Variants in TMEM178B observed in about 807,000 individuals in gnomAD.
TMEM178B encodes transmembrane protein 178B.
TMEM178B carries 5 observed loss-of-function variants against 31.0 expected under a neutral mutation model. That is an observed-to-expected ratio of 0.16 (90% CI 0.08 to 0.34). TMEM178B has a LOEUF of 0.34. Among genes scored for constraint, TMEM178B ranks in the 10% least tolerant of loss-of-function variants. The probability of loss-of-function intolerance (pLI) is 1.00; values close to 1 mark genes in which losing one functional copy is unlikely to be tolerated. For synonymous variants in TMEM178B, 164 were observed against 164.0 expected (o/e 1.00, Z 0.00); for missense variants, 275 against 400.3 (o/e 0.69, Z 2.67).
intron 2 of TMEM178B, among the ~76,000 whole-genome samples, chr7:141,333,492 A>G (rs1448829081): frequency 1.3e-5 from 2 of 152,248 alleles, no homozygotes; most frequent in Non-Finnish European, 2.9e-5. Context: ...GCCATGCAGA[A>G]TATGATTGCC....
In TMEM178B at chr7:141,470,930, T is replaced by C. The variant is rs776746041; in HGVS notation, c.*144T>C. On this transcript the variant is annotated 3_prime_UTR_variant, in exon 4 of 4. Coordinates refer to ENST00000565468, the MANE Select transcript of TMEM178B (RefSeq NM_001195278.2). ...GGCACCTGCATCTCGCCGGACTTTG[T>C]GTTGCCTCATCTCTGAGATGGGGAA... is the stretch of plus-strand genomic sequence containing the variant. 2.8e-6 allele frequency: 1 copy of C among 354,702 alleles called. No homozygotes were observed. Among genetic ancestry groups the C allele is most frequent in the Non-Finnish European group, 4.1e-6 (1 of 244,100 alleles). The allele number at this position is 354,702 out of a possible 1,614,324, so 22.0% of individuals were successfully genotyped here.
intron 2 of TMEM178B, among the ~76,000 whole-genome samples, chr7:141,359,893 A>G (rs1415416533): frequency 6.6e-6 from 1 of 152,226 alleles, no homozygotes; most frequent in Non-Finnish European, 1.5e-5. Flanking sequence ...GGCACAAGGC[A>G]TGTCTTACAT....
chr7:141,385,092 C>T (rs989425045), intron 2 of TMEM178B, among the ~76,000 whole-genome samples: 2 of 152,180 alleles, frequency 1.3e-5, no homozygotes, highest in Non-Finnish European at 2.9e-5. Context: ...TCCAACTAAC[C>T]ATCAAAACTT....
chr7:141,158,932 T>TA (rs1433811059), intron 1 of TMEM178B, among the ~76,000 whole-genome samples: 8 of 152,196 alleles, frequency 5.3e-5, no homozygotes, highest in Middle Eastern at 3.4e-3. Flanking sequence ...TTTAGGATTG[T>TA]AAAAAAATTA....
chr7:141,200,571 A>G (rs1016097397), intron 1 of TMEM178B, among the ~76,000 whole-genome samples: 4 of 152,166 alleles, frequency 2.6e-5, no homozygotes, highest in Non-Finnish European at 5.9e-5. Flanking sequence ...AGCCCTGGAA[A>G]GCTGTCCAAA....
At chr7:141,150,054 C>T (rs369645144) in intron 1 of TMEM178B, among the ~76,000 whole-genome samples, 6 of 152,088 alleles carry the variant, frequency 3.9e-5, no homozygotes, top group African/African-American at 1.2e-4. Flanking sequence ...CCTGAGCACT[C>T]GAGTGGCTGA....
Position 141,458,010 on chromosome 7 carries a change from G to C in TMEM178B, c.635-12526G>C, listed in dbSNP as rs117110724. On this transcript the variant is annotated intron_variant, in intron 3 of 3. Coordinates refer to ENST00000565468, the MANE Select transcript of TMEM178B (RefSeq NM_001195278.2). Reference sequence around the variant, plus strand: ...CACCACACTGTTGGCAGTGTTGGTTGAAAGTGATGGGAAAGTCAAGTAGGA... The same window carrying C: ...CACCACACTGTTGGCAGTGTTGGTTCAAAGTGATGGGAAAGTCAAGTAGGA... 4.5e-3 allele frequency among the ~76,000 whole-genome samples: 686 copies of C among 152,380 alleles called. 4 individuals are homozygous for C. Among genetic ancestry groups the C allele is most frequent in the Non-Finnish European group, 7.5e-3 (513 of 68,044 alleles).
chr7:141,404,385 A>G (rs569205575), intron 2 of TMEM178B, among the ~76,000 whole-genome samples: 36 of 152,368 alleles, frequency 2.4e-4, no homozygotes, highest in Admixed American at 1.3e-3. Flanking sequence ...CTGGAAGTGC[A>G]GAGGCAAGGT....
At chr7:141,328,236 G>C (rs1230438071) in intron 2 of TMEM178B, among the ~76,000 whole-genome samples, 1 of 152,196 alleles carries the variant, frequency 6.6e-6, no homozygotes, top group Non-Finnish European at 1.5e-5. Context: ...ATGACGGAGA[G>C]GAATGCCAGC....
chr7:141,395,783 G>T, intron 2 of TMEM178B, among the ~76,000 whole-genome samples: 1 of 152,114 alleles, frequency 6.6e-6, no homozygotes, highest in East Asian at 1.9e-4. Flanking sequence ...AGAGAAGGAT[G>T]GGCATGGGGG....
intron 2 of TMEM178B, among the ~76,000 whole-genome samples, chr7:141,350,409 G>A (rs760472003): frequency 1.4e-4 from 22 of 152,110 alleles, no homozygotes; most frequent in Non-Finnish European, 2.8e-4. Context: ...TCTGAGAGGA[G>A]GGACATTGTT....
intron 2 of TMEM178B, chr7:141,429,661 TATATC>T (rs1463097305): frequency 2.6e-5 from 4 of 152,224 alleles, no homozygotes; most frequent in African/African-American, 9.7e-5. Context: ...GGTGATATAT[TATATC>T]CTTGAAAAAT....
chr7:141,323,097 T>C (rs569269507), intron 2 of TMEM178B, among the ~76,000 whole-genome samples: 57 of 152,186 alleles, frequency 3.7e-4, no homozygotes, highest in Non-Finnish European at 4.1e-4. Flanking sequence ...TGAATGCTGC[T>C]TTTCACAGAA....
intron 2 of TMEM178B, among the ~76,000 whole-genome samples, chr7:141,222,109 C>G (rs1478366952): frequency 1.3e-5 from 2 of 152,186 alleles, no homozygotes; most frequent in African/African-American, 4.8e-5. Flanking sequence ...CAAATTAGCA[C>G]AACCTCTCAG....
intron 2 of TMEM178B, among the ~76,000 whole-genome samples, chr7:141,391,389 C>T (rs1201795620): frequency 6.6e-6 from 1 of 152,114 alleles, no homozygotes; most frequent in Non-Finnish European, 1.5e-5. Flanking sequence ...GAGTCTCAAT[C>T]TCCTGATCTC....
At chr7:141,490,817 C>T in the TMEM178B span, among the ~76,000 whole-genome samples, 3 of 152,228 alleles carry the variant, frequency 2.0e-5, no homozygotes, top group Non-Finnish European at 2.9e-5. Context: ...TCCTAGGCCT[C>T]ATGCCAAGAA....
chr7:141,253,610 G>A (rs1797871981), intron 2 of TMEM178B, among the ~76,000 whole-genome samples: 1 of 121,148 alleles, frequency 8.3e-6, no homozygotes, highest in South Asian at 2.9e-4. Flanking sequence ...GACTGCAATA[G>A]CAGGATCTCA....
At chr7:141,454,475 G>A (rs1209142336) in intron 3 of TMEM178B, among the ~76,000 whole-genome samples, 2 of 152,064 alleles carry the variant, frequency 1.3e-5, no homozygotes, top group Non-Finnish European at 2.9e-5. Flanking sequence ...CCTTCCTGGG[G>A]TCAGGGCCCA....
At chr7:141,200,429 G>A (rs1796857443) in intron 1 of TMEM178B, among the ~76,000 whole-genome samples, 1 of 152,164 alleles carries the variant, frequency 6.6e-6, no homozygotes, top group Admixed American at 6.5e-5. Context: ...GGGGGAGACA[G>A]GATGGCTTGA....
Sources: allele counts gnomAD v4.1 joint callset (sites outside exome capture counted in the v4.1 genomes callset), GRCh38; gene constraint gnomAD v4.1.1; transcripts MANE v1.5; gene names NCBI Gene and HGNC (gene_info 2026-07-23, HGNC 2026-07-21).